The following ITSN1 variants were observed in gnomAD, a reference collection of about 807,000 sequenced individuals.
ITSN1 encodes intersectin 1.
In ITSN1, 58 loss-of-function variants were observed where a neutral mutation model predicts 239.8. The ratio of observed to expected loss-of-function variants is 0.24; its 90% CI spans 0.20 to 0.30. The LOEUF is 0.30. ITSN1 is among the 10% of genes least tolerant of loss of function. The pLI, the probability that ITSN1 is intolerant of heterozygous loss-of-function variation, is 1.00. For missense variants in ITSN1, 1,558 were observed against 2,103.3 expected (o/e 0.74, Z 5.07); for synonymous variants, 780 against 770.8 (o/e 1.01, Z -0.20).
chr21:33,656,548 T>A (rs1359561236), intron 1 of ITSN1, among the ~76,000 whole-genome samples: 2 of 152,116 alleles, frequency 1.3e-5, no homozygotes, highest in Admixed American at 6.5e-5. Context: ...CAAGCTTTTT[T>A]TTTGAGACGG....
intron 29 of ITSN1, among the ~76,000 whole-genome samples, chr21:33,847,738 ATGGGCTGGAT>A (rs2075029504): frequency 6.6e-6 from 1 of 152,170 alleles, no homozygotes; most frequent in African/African-American, 2.4e-5. Flanking sequence ...GTGACCTGCC[ATGGGCTGGAT>A]TCAGCTCAGC....
At chr21:33,671,793 A>G (rs976542317) in intron 1 of ITSN1, among the ~76,000 whole-genome samples, 36 of 151,604 alleles carry the variant, frequency 2.4e-4, no homozygotes, top group African/African-American at 8.0e-4. Context: ...CTCCGTCTCA[A>G]ATAAATAAAT....
At chr21:33,860,024 T>A (rs1980173195) in intron 31 of ITSN1, among the ~76,000 whole-genome samples, 1 of 152,186 alleles carries the variant, frequency 6.6e-6, no homozygotes, top group Non-Finnish European at 1.5e-5. Flanking sequence ...ACATAGACGA[T>A]AGCTGGGCAC....
intron 22 of ITSN1, among the ~76,000 whole-genome samples, chr21:33,815,056 G>A (rs1344714849): frequency 6.6e-6 from 1 of 152,196 alleles, no homozygotes; most frequent in African/African-American, 2.4e-5. Context: ...AAAGGGAAGA[G>A]TTGTGTTTTA....
intron 1 of ITSN1, among the ~76,000 whole-genome samples, chr21:33,673,866 C>T (rs765759600): frequency 6.6e-6 from 1 of 152,232 alleles, no homozygotes; most frequent in Non-Finnish European, 1.5e-5. Flanking sequence ...AAACCTCCAT[C>T]AGAGGTAAAC....
chr21:33,650,194 C>T (rs1405072211), intron 1 of ITSN1, among the ~76,000 whole-genome samples: 2 of 152,156 alleles, frequency 1.3e-5, no homozygotes, highest in African/African-American at 4.8e-5. Context: ...TGTGTTCCTC[C>T]TTGCATTATG....
At chr21:33,743,038 T>A (rs943294889) in intron 5 of ITSN1, among the ~76,000 whole-genome samples, 2 of 151,946 alleles carry the variant, frequency 1.3e-5, no homozygotes, top group Non-Finnish European at 2.9e-5. Flanking sequence ...TTTTTAAGGC[T>A]CATAAATAAG....
chr21:33,739,280 G>C (rs2066697567), intron 5 of ITSN1, among the ~76,000 whole-genome samples: 1 of 152,078 alleles, frequency 6.6e-6, no homozygotes. Flanking sequence ...GGGTAGACTT[G>C]GTACCTTCTT....
intron 8 of ITSN1, among the ~76,000 whole-genome samples, chr21:33,759,929 G>A (rs988972415): frequency 1.3e-5 from 2 of 151,822 alleles, no homozygotes; most frequent in African/African-American, 2.4e-5. Context: ...GGGAAACCCT[G>A]TCTCTACTAA....
chr21:33,777,205 T>C (rs761600900), intron 14 of ITSN1, among the ~76,000 whole-genome samples: 3 of 152,224 alleles, frequency 2.0e-5, no homozygotes, highest in East Asian at 1.9e-4. Flanking sequence ...ACAGTTGTTA[T>C]AGCACCATTT....
Position 33,883,691 on chromosome 21 carries a change from C to T in ITSN1, c.4676+20C>T. The T allele has an allele frequency of 4.3e-6, 7 of 1,610,792 alleles. No homozygotes were observed. Among genetic ancestry groups the T allele is most frequent in the Non-Finnish European group, 5.9e-6 (7 of 1,177,884 alleles). On this transcript the variant is annotated intron_variant, in intron 36 of 39. Transcript: ENST00000381318. ...TGAAAGGTGAGACCTGCCGCCTCCC[C>T]AGCATGGGCCCCAGGGCTCCACGGC...
At chr21:33,833,652 G>A (rs1365004871) in intron 27 of ITSN1, among the ~76,000 whole-genome samples, 3 of 152,208 alleles carry the variant, frequency 2.0e-5, no homozygotes, top group Admixed American at 2.0e-4. Context: ...CAGATTACGA[G>A]GTCAAGAGAT....
rs560444156 is a variant in ITSN1, at chr21:33,694,758, G to T, written c.-32-24039G>T. Among the ~76,000 whole-genome samples the T allele has an allele frequency of 3.5e-3, 537 of 152,282 alleles. 4 individuals are homozygous for T. The highest frequency in any genetic ancestry group is 6.2e-3 in the Non-Finnish European group (419 of 68,014). On this transcript the variant is annotated intron_variant, in intron 1 of 39. Transcript: ENST00000381318. ...TACTTGAACCTGGGAGGCGGAGATT[G>T]CAGTGAGCCGATATCACACCACTGC...
At position 33,767,734 on chromosome 21, in the gene ITSN1, T is replaced by C. The variant is rs777127226; in HGVS notation, c.948T>C (p.Gly316=). 3.1e-6 allele frequency: 5 copies of C among 1,609,948 alleles called. No individual in the cohort carries two copies. The highest frequency in any genetic ancestry group is 1.7e-6 in the Non-Finnish European group (2 of 1,177,304). The change falls in exon 11 of 40, where the codon GGT becomes GGC. Residue 316 remains glycine, a synonymous_variant. Transcript: ENST00000381318. Reference sequence around the variant, plus strand: ...GCAGAAGAGTTCGATCTGGCAGTGGTATATCTGTCATAAGCTCAACATCTG... The same window carrying C: ...GCAGAAGAGTTCGATCTGGCAGTGGCATATCTGTCATAAGCTCAACATCTG... ...PSFRRVRSGS[G]ISVISSTSVD...
chr21:33,750,096 G>A, intron 5 of ITSN1, 47 bp from the exon 6 acceptor site: 3 of 1,563,580 alleles, frequency 1.9e-6, no homozygotes, highest in Non-Finnish European at 2.6e-6. Flanking sequence ...ATTCAGTGTT[G>A]AAATGTGATT....
chr21:33,858,647 TAACTGCTTTCTG>T, intron 30 of ITSN1, 27 bp from the exon 31 acceptor site: 2 of 1,341,464 alleles, frequency 1.5e-6, no homozygotes, highest in East Asian at 4.6e-5. Context: ...AGTTTTAAGC[TAACTGCTTTCTG>T]AACTGCTTCG....
chr21:33,858,412 G>T (rs2834282), intron 30 of ITSN1, among the ~76,000 whole-genome samples: 55,928 of 152,142 alleles, frequency 0.37, 10,666 homozygotes, highest in East Asian at 0.51. Context: ...CTCCCTGCTT[G>T]TCTGGTGGAG....
At chr21:33,662,500 G>T (rs1291301632) in intron 1 of ITSN1, among the ~76,000 whole-genome samples, 1 of 152,038 alleles carries the variant, frequency 6.6e-6, no homozygotes, top group Non-Finnish European at 1.5e-5. Context: ...CCTTTTTTGG[G>T]GTCTTCTGTT....
At chr21:33,844,710 G>C (rs1013035200) in intron 29 of ITSN1, among the ~76,000 whole-genome samples, 2 of 152,044 alleles carry the variant, frequency 1.3e-5, no homozygotes, top group Non-Finnish European at 2.9e-5. Flanking sequence ...CCAGGAGAGC[G>C]AGCCTGCAGT....
Sources: gnomAD v4.1 joint callset for allele counts (sites outside exome capture counted in the v4.1 genomes callset) on GRCh38, gnomAD v4.1.1 for gene constraint, MANE v1.5 for transcripts, NCBI Gene and HGNC (gene_info 2026-07-23, HGNC 2026-07-21) for gene names.